ULK4: variants seen among roughly 807,000 people sequenced by gnomAD.
The protein encoded by ULK4 is unc-51 like kinase 4.
In ULK4, 133 loss-of-function variants were observed where a neutral mutation model predicts 160.6. The observed-to-expected ratio is 0.83, with a 90% confidence interval of 0.72 to 0.96. ULK4 has a LOEUF of 0.96. Among genes scored for constraint, ULK4 ranks in the 40% least tolerant of loss-of-function variants. ULK4 has a pLI of 0.00. For synonymous variants in ULK4, 534 were observed against 539.8 expected, an observed-to-expected ratio of 0.99 and a Z score of 0.15; for missense variants, 1,580 against 1,499.5, an observed-to-expected ratio of 1.05 and a Z score of -0.89.
intron 21 of ULK4, among the ~76,000 whole-genome samples, chr3:41,780,868 T>A (rs915527842): frequency 1.3e-5 from 2 of 152,094 alleles, no homozygotes; most frequent in Non-Finnish European, 2.9e-5. Context: ...GTTGGTCTTA[T>A]CGGGTTCCCA....
chr3:41,957,332 T>C (rs892614983), intron 1 of ULK4, among the ~76,000 whole-genome samples: 2 of 150,064 alleles, frequency 1.3e-5, no homozygotes, highest in African/African-American at 4.9e-5. Context: ...CACACGCTTG[T>C]AATCCCAGCT....
intron 35 of ULK4, among the ~76,000 whole-genome samples, chr3:41,370,287 A>G (rs189819860): frequency 6.6e-6 from 1 of 152,354 alleles, no homozygotes; most frequent in African/African-American, 2.4e-5. Context: ...TAATGTTTCT[A>G]GAAGTGTTTC....
At chr3:41,387,357 T>C (rs2081841127) in intron 35 of ULK4, among the ~76,000 whole-genome samples, 1 of 151,972 alleles carries the variant, frequency 6.6e-6, no homozygotes, top group Admixed American at 6.6e-5. Flanking sequence ...TAGCTGTAAT[T>C]TTGTATCTTT....
At chr3:41,897,183 CTT>C (rs1698189049) in intron 14 of ULK4, among the ~76,000 whole-genome samples, 180 bp from the exon 15 acceptor site, 1 of 152,186 alleles carries the variant, frequency 6.6e-6, no homozygotes, top group African/African-American at 2.4e-5. Context: ...TTCCTAATCT[CTT>C]TATCTATCCA....
chr3:41,682,044 C>T (rs891895488), intron 27 of ULK4, among the ~76,000 whole-genome samples: 15 of 152,262 alleles, frequency 9.9e-5, no homozygotes, highest in African/African-American at 3.6e-4. Context: ...TTTATCAAAA[C>T]CTTCAGGGTC....
At chr3:41,289,235 A>T (rs1338398890) in intron 35 of ULK4, among the ~76,000 whole-genome samples, 1 of 152,216 alleles carries the variant, frequency 6.6e-6, no homozygotes, top group African/African-American at 2.4e-5. Flanking sequence ...TTGGAATAAC[A>T]TACCATCATG....
intron 32 of ULK4, among the ~76,000 whole-genome samples, chr3:41,490,891 G>T (rs1015834878): frequency 5.9e-5 from 9 of 152,130 alleles, no homozygotes; most frequent in Admixed American, 5.2e-4. Context: ...GCTCTCAGTA[G>T]CTGACACCAA....
At chr3:41,717,089 G>T (rs1331380350) in intron 23 of ULK4, among the ~76,000 whole-genome samples, 1 of 152,048 alleles carries the variant, frequency 6.6e-6, no homozygotes, top group East Asian at 1.9e-4. Flanking sequence ...GGGTCAAAGG[G>T]TATGAACATA....
At chr3:41,878,675 T>TA (rs33987084) in intron 17 of ULK4, among the ~76,000 whole-genome samples, 40,639 of 95,740 alleles carry the variant, frequency 0.42, 8,780 homozygotes, top group Admixed American at 0.54. Context: ...TTAAAACTGT[T>TA]AAAAAAAAAA....
At chr3:41,420,839 C>A (rs1335309040) in intron 34 of ULK4, among the ~76,000 whole-genome samples, 1 of 149,438 alleles carries the variant, frequency 6.7e-6, no homozygotes, top group Non-Finnish European at 1.5e-5. Flanking sequence ...GCCGGCCAGA[C>A]GCGGTGGCTT....
At chr3:41,418,427 A>T (rs1026848312) in intron 34 of ULK4, among the ~76,000 whole-genome samples, 1 of 152,056 alleles carries the variant, frequency 6.6e-6, no homozygotes, top group African/African-American at 2.4e-5. Flanking sequence ...TTTTCCAAAA[A>T]ATTTTTAAAA....
At chr3:41,767,946 G>C (rs1040643019) in intron 21 of ULK4, among the ~76,000 whole-genome samples, 3 of 152,312 alleles carry the variant, frequency 2.0e-5, no homozygotes, top group Non-Finnish European at 2.9e-5. Flanking sequence ...CCACAGACCA[G>C]TACTGGCCTG....
chr3:41,626,429 C>T (rs1220766265), intron 30 of ULK4, among the ~76,000 whole-genome samples: 2 of 151,606 alleles, frequency 1.3e-5, no homozygotes, highest in African/African-American at 2.4e-5. Context: ...ACAAATTGAT[C>T]TTAAGATGAT....
intron 35 of ULK4, among the ~76,000 whole-genome samples, chr3:41,307,407 T>C (rs2079968631): frequency 6.6e-6 from 1 of 152,208 alleles, no homozygotes; most frequent in African/African-American, 2.4e-5. Context: ...GTTAATATTT[T>C]TCTTGATGAT....
At chr3:41,307,980 C>A (rs956283595) in intron 35 of ULK4, among the ~76,000 whole-genome samples, 3 of 152,138 alleles carry the variant, frequency 2.0e-5, no homozygotes, top group African/African-American at 7.2e-5. Flanking sequence ...GCTTGAGTTT[C>A]CGCAGCATTT....
chr3:41,374,234 C>T (rs2081430923), intron 35 of ULK4, among the ~76,000 whole-genome samples: 1 of 152,188 alleles, frequency 6.6e-6, no homozygotes, highest in African/African-American at 2.4e-5. Context: ...ACCTTTCCTT[C>T]TTAAACTATT....
chr3:41,663,990 T>C (rs2035271715), intron 29 of ULK4, among the ~76,000 whole-genome samples: 1 of 152,176 alleles, frequency 6.6e-6, no homozygotes, highest in African/African-American at 2.4e-5. Context: ...TACCATAAGG[T>C]ACAAGCATCT....
intron 18 of ULK4, among the ~76,000 whole-genome samples, chr3:41,826,357 G>C (rs1370290716): frequency 3.3e-5 from 5 of 152,140 alleles, no homozygotes; most frequent in African/African-American, 1.2e-4. Flanking sequence ...AGAAGACACA[G>C]ACTGGCAAAC....
chr3:41,430,172 T>C (rs1226909597), intron 34 of ULK4, among the ~76,000 whole-genome samples: 1 of 152,114 alleles, frequency 6.6e-6, no homozygotes, highest in African/African-American at 2.4e-5. Flanking sequence ...GCAAGGGTAA[T>C]AAAATAAAAA....
Sources: gnomAD v4.1 joint callset for allele counts (sites outside exome capture counted in the v4.1 genomes callset) on GRCh38, gnomAD v4.1.1 for gene constraint, MANE v1.5 for transcripts, NCBI Gene and HGNC (gene_info 2026-07-23, HGNC 2026-07-21) for gene names.